Variants in PRIM2 observed in about 807,000 individuals in gnomAD.
PRIM2 encodes DNA primase large subunit.
In PRIM2, 39 loss-of-function variants were observed where a neutral mutation model predicts 67.3. The observed-to-expected ratio is 0.58, with a 90% CI of 0.45 to 0.76. PRIM2 has a LOEUF of 0.76. Ranked by LOEUF, PRIM2 falls within the 30% of genes least tolerant of loss-of-function variation. The pLI is 0.00. For synonymous variants in PRIM2, 143 were observed against 198.7 expected (o/e 0.72, Z 2.36); for missense variants, 398 against 598.7 (o/e 0.66, Z 3.50).
chr6:57,525,013 A>G (rs1774716305), intron 8 of PRIM2, among the ~76,000 whole-genome samples: 1 of 151,962 alleles, frequency 6.6e-6, no homozygotes, highest in Non-Finnish European at 1.5e-5. Flanking sequence ...GTCTTTGATT[A>G]AAGACCTATC....
intron 10 of PRIM2, among the ~76,000 whole-genome samples, chr6:57,598,117 A>G (rs1306437571): frequency 6.6e-6 from 1 of 152,164 alleles, no homozygotes; most frequent in African/African-American, 2.4e-5. Context: ...TATTTGGGCA[A>G]TCTGGCTTCT....
At chr6:57,479,564 G>A (rs1453156296) in intron 7 of PRIM2, among the ~76,000 whole-genome samples, 2 of 152,118 alleles carry the variant, frequency 1.3e-5, no homozygotes, top group African/African-American at 2.4e-5. Context: ...GTTTTTAAGT[G>A]CAATTTAATG....
At chr6:57,355,452 G>A (rs540486381) in intron 5 of PRIM2, among the ~76,000 whole-genome samples, 2 of 152,340 alleles carry the variant, frequency 1.3e-5, no homozygotes, top group East Asian at 3.9e-4. Flanking sequence ...ATGGGTCAGT[G>A]TTACTGCTGG....
At chr6:57,493,690 C>A (rs1554346161) in intron 7 of PRIM2, among the ~76,000 whole-genome samples, 3 of 152,190 alleles carry the variant, frequency 2.0e-5, no homozygotes, top group Non-Finnish European at 2.9e-5. Context: ...TCTCCCTCCT[C>A]CTAGTTTTAT....
At chr6:57,604,232 C>A (rs1384559585) in intron 11 of PRIM2, among the ~76,000 whole-genome samples, 1 of 152,042 alleles carries the variant, frequency 6.6e-6, no homozygotes, top group Non-Finnish European at 1.5e-5. Flanking sequence ...TTGCAGTTGG[C>A]TGAGATGGCA....
chr6:57,538,022 T>A (rs1178203662), intron 10 of PRIM2, among the ~76,000 whole-genome samples: 2 of 151,950 alleles, frequency 1.3e-5, no homozygotes, highest in African/African-American at 2.4e-5. Flanking sequence ...TTTTGTTTTT[T>A]TTTTTCGAGA....
intron 10 of PRIM2, among the ~76,000 whole-genome samples, chr6:57,543,668 T>C (rs1428020228): frequency 7.2e-5 from 11 of 152,248 alleles, no homozygotes; most frequent in African/African-American, 2.4e-4. Context: ...TAACTTCTAA[T>C]GCAGCTCTGT....
At chr6:57,514,956 G>C (rs1476261550) in intron 8 of PRIM2, among the ~76,000 whole-genome samples, 7 of 152,156 alleles carry the variant, frequency 4.6e-5, no homozygotes, top group Admixed American at 3.9e-4. Flanking sequence ...ATGAGAAGCA[G>C]TATCTGCATG....
chr6:57,349,038 C>T (rs940295251), intron 5 of PRIM2, among the ~76,000 whole-genome samples: 1 of 152,108 alleles, frequency 6.6e-6, no homozygotes, highest in Non-Finnish European at 1.5e-5. Flanking sequence ...AGACACCATG[C>T]CTGGCCTCCT....
At chr6:57,288,115 A>T in the PRIM2 span, among the ~76,000 whole-genome samples, 1 of 152,180 alleles carries the variant, frequency 6.6e-6, no homozygotes, top group African/African-American at 2.4e-5. Context: ...CAGACCAGGA[A>T]ATTCCCTTCC....
intron 7 of PRIM2, among the ~76,000 whole-genome samples, chr6:57,451,856 T>C (rs577953114): frequency 2.2e-4 from 34 of 152,096 alleles, no homozygotes; most frequent in African/African-American, 8.0e-4. Context: ...TATGTATGCA[T>C]GTGCCATGTT....
chr6:57,604,065 G>A (rs1396539554), intron 11 of PRIM2, among the ~76,000 whole-genome samples: 2 of 152,104 alleles, frequency 1.3e-5, no homozygotes, highest in African/African-American at 4.8e-5. Context: ...CCAGCACTTT[G>A]GGAGGTCAAC....
At chr6:57,246,224 T>C in the PRIM2 span, among the ~76,000 whole-genome samples, 31 of 152,356 alleles carry the variant, frequency 2.0e-4, no homozygotes, top group Non-Finnish European at 4.0e-4. Context: ...GGAGAAGATA[T>C]TATGTTTCCT....
intron 7 of PRIM2, among the ~76,000 whole-genome samples, chr6:57,452,310 T>G (rs879097077): frequency 0.48 from 72,178 of 151,766 alleles, 18,775 homozygotes; most frequent in South Asian, 0.62. Flanking sequence ...GTAATGGGAT[T>G]GCTGGGTCAA....
chr6:57,237,117 T>G, the PRIM2 span, among the ~76,000 whole-genome samples: 2 of 151,874 alleles, frequency 1.3e-5, no homozygotes, highest in Admixed American at 1.3e-4. Context: ...CTAACTGGTG[T>G]GAGATAGTAT....
chr6:57,360,709 A>G (rs1769166848), intron 5 of PRIM2, among the ~76,000 whole-genome samples: 1 of 152,204 alleles, frequency 6.6e-6, no homozygotes, highest in Non-Finnish European at 1.5e-5. Flanking sequence ...TACTGGAGGC[A>G]AGAAACAAAG....
intron 7 of PRIM2, among the ~76,000 whole-genome samples, chr6:57,480,926 C>T (rs2127405614): frequency 6.6e-6 from 1 of 152,176 alleles, no homozygotes; most frequent in East Asian, 1.9e-4. Context: ...GCACCCGGCC[C>T]ATTTCTTTAA....
intron 3 of PRIM2, among the ~76,000 whole-genome samples, chr6:57,321,464 C>G (rs1767653598): frequency 6.6e-6 from 1 of 151,696 alleles, no homozygotes; most frequent in Non-Finnish European, 1.5e-5. Flanking sequence ...GTAAGAGCAC[C>G]CTAGAAAAAT....
At chr6:57,275,934 C>G in the PRIM2 span, among the ~76,000 whole-genome samples, 1 of 152,266 alleles carries the variant, frequency 6.6e-6, no homozygotes, top group Admixed American at 6.5e-5. Flanking sequence ...ATGAATTAAT[C>G]AGTTGTCATA....
Sources: allele counts gnomAD v4.1 joint callset (sites outside exome capture counted in the v4.1 genomes callset), GRCh38; gene constraint gnomAD v4.1.1; transcripts MANE v1.5; gene names NCBI Gene and HGNC (gene_info 2026-07-23, HGNC 2026-07-21).